Variants in GABBR2 observed in about 807,000 individuals in gnomAD.
The protein encoded by GABBR2 is G-protein coupled receptor 51.
A neutral mutation model predicts 105.6 loss-of-function variants in GABBR2; 23 were observed. The observed-to-expected ratio is 0.22, with a 90% CI of 0.16 to 0.31. The LOEUF is 0.31. GABBR2 is among the 10% of genes least tolerant of loss of function. The pLI is 1.00. For synonymous variants in GABBR2, 478 were observed against 499.7 expected, an observed-to-expected ratio of 0.96 and a Z score of 0.58; for missense variants, 734 against 1,245.5, an observed-to-expected ratio of 0.59 and a Z score of 6.18.
At position 98,578,001 on chromosome 9, in the gene GABBR2, A is replaced by G. The variant is rs1828944515; in HGVS notation, c.393T>C (p.Phe131=). 1.1e-5 allele frequency: 18 copies of G among 1,613,994 alleles called. 1 individual carries two copies. Among genetic ancestry groups the G allele is most frequent in the Non-Finnish European group, 1.5e-5 (18 of 1,179,930 alleles). Residue 131 remains phenylalanine, a synonymous_variant, in exon 2 of 19, where the codon TTT becomes TTC. Coordinates refer to ENST00000259455, the MANE Select transcript of GABBR2 (RefSeq NM_005458.8). ...IKYGPNHLMV[F]GGVCPSVTSI... is the part of the protein sequence containing the mutation. ...ATGTGACGGATGGACAGACGCCTCC[A>G]AACACCATCAAGTGGTTAGGCCCGT...
chr9:98,699,290 C>T (rs901714603), intron 1 of GABBR2, among the ~76,000 whole-genome samples: 1 of 152,048 alleles, frequency 6.6e-6, no homozygotes, highest in African/African-American at 2.4e-5. Flanking sequence ...TTGTCAGAGA[C>T]GAAGAAAATG....
At chr9:98,348,482 C>T (rs897740449) in intron 13 of GABBR2, among the ~76,000 whole-genome samples, 3 of 152,054 alleles carry the variant, frequency 2.0e-5, no homozygotes, top group Non-Finnish European at 4.4e-5. Context: ...TGTCATTGAC[C>T]TTTTGATAGG....
chr9:98,326,596 T>G (rs1830929084), intron 13 of GABBR2, among the ~76,000 whole-genome samples: 1 of 152,242 alleles, frequency 6.6e-6, no homozygotes. Flanking sequence ...AAGATTGGCC[T>G]GCTGCCTTGT....
At chr9:98,677,535 A>C (rs1201892499) in intron 1 of GABBR2, among the ~76,000 whole-genome samples, 2 of 152,188 alleles carry the variant, frequency 1.3e-5, no homozygotes, top group Non-Finnish European at 2.9e-5. Context: ...GCTCTGCCAA[A>C]AAACTTTTGA....
At chr9:98,654,607 C>T (rs1370238641) in intron 1 of GABBR2, among the ~76,000 whole-genome samples, 1 of 152,052 alleles carries the variant, frequency 6.6e-6, no homozygotes, top group South Asian at 2.1e-4. Flanking sequence ...TCTGAAGGGG[C>T]GAGGCAGACA....
At chr9:98,312,591 G>A (rs1830652735) in intron 13 of GABBR2, among the ~76,000 whole-genome samples, 1 of 152,200 alleles carries the variant, frequency 6.6e-6, no homozygotes, top group Non-Finnish European at 1.5e-5. Context: ...CCCCACAAAT[G>A]TTCACGCAGT....
intron 10 of GABBR2, among the ~76,000 whole-genome samples, chr9:98,386,358 A>T (rs1832072635): frequency 6.6e-6 from 1 of 152,070 alleles, no homozygotes; most frequent in Non-Finnish European, 1.5e-5. Flanking sequence ...AGGAGGCCTA[A>T]CTGTGAGTCT....
intron 7 of GABBR2, among the ~76,000 whole-genome samples, chr9:98,426,104 G>A (rs1362138571): frequency 6.6e-6 from 1 of 152,224 alleles, no homozygotes; most frequent in Non-Finnish European, 1.5e-5. Context: ...GGGGAGGCAG[G>A]TCTTGAATCC....
At chr9:98,460,469 G>GA (rs1296706997) in intron 6 of GABBR2, among the ~76,000 whole-genome samples, 1 of 151,632 alleles carries the variant, frequency 6.6e-6, no homozygotes, top group Non-Finnish European at 1.5e-5. Context: ...TACTATAAAA[G>GA]AAAAAATATA....
chr9:98,596,456 G>C (rs1829235757), intron 1 of GABBR2, among the ~76,000 whole-genome samples: 1 of 152,116 alleles, frequency 6.6e-6, no homozygotes, highest in African/African-American at 2.4e-5. Flanking sequence ...CCCTTCTCGG[G>C]CTTCACATTT....
chr9:98,487,613 AAT>A (rs113902571), intron 4 of GABBR2, among the ~76,000 whole-genome samples: 20 of 149,204 alleles, frequency 1.3e-4, no homozygotes, highest in South Asian at 2.1e-4. Flanking sequence ...TGTCTCTACA[AAT>A]ATATATATAT....
At chr9:98,451,192 G>A (rs139489490) in intron 7 of GABBR2, among the ~76,000 whole-genome samples, 1 of 152,152 alleles carries the variant, frequency 6.6e-6, no homozygotes, top group African/African-American at 2.4e-5. Flanking sequence ...CTGCAGGGGT[G>A]GGGAGAGGGC....
intron 12 of GABBR2, 42 bp from the exon 13 acceptor site, chr9:98,362,879 C>A: frequency 1.4e-6 from 2 of 1,443,724 alleles, no homozygotes; most frequent in Non-Finnish European, 1.8e-6. Context: ...ATGTGAGAGA[C>A]AGCTTCCCAC....
At chr9:98,474,397 C>T (rs1826746949) in intron 5 of GABBR2, among the ~76,000 whole-genome samples, 1 of 152,030 alleles carries the variant, frequency 6.6e-6, no homozygotes, top group South Asian at 2.1e-4. Flanking sequence ...AGAAAAGTCC[C>T]AGTTTGTAGG....
chr9:98,473,520 A>T (rs1373409676), intron 5 of GABBR2, among the ~76,000 whole-genome samples, 174 bp from the exon 6 acceptor site: 2 of 152,208 alleles, frequency 1.3e-5, no homozygotes, highest in Non-Finnish European at 2.9e-5. Context: ...TAGTTTATGG[A>T]TAACATGTAT....
Position 98,708,597 on chromosome 9 carries a change from G to T in GABBR2, c.141C>A (p.Pro47=). The change falls in exon 1 of 19, where the codon CCC becomes CCA. Residue 47 remains proline (P), a synonymous_variant. Coordinates refer to ENST00000259455, the MANE Select transcript of GABBR2 (RefSeq NM_005458.8). ...PGAWGWARGA[P]RPPPSSPPLS... is the part of the protein sequence containing the mutation. ...GCGGCGGGCTGCTGGGCGGCGGCCG[G>T]GGGGCGCCCCGCGCCCAGCCCCAGG... The T allele has an allele frequency of 6.9e-7, 1 of 1,440,246 alleles. No homozygotes were observed. Among genetic ancestry groups the T allele is most frequent in the Non-Finnish European group, 9.1e-7 (1 of 1,096,322 alleles). 89.2% of individuals were successfully genotyped at this position (1,440,246 alleles called of 1,614,324 possible).
intron 13 of GABBR2, among the ~76,000 whole-genome samples, chr9:98,353,007 G>A (rs1001025025): frequency 6.6e-6 from 1 of 152,102 alleles, no homozygotes; most frequent in Non-Finnish European, 1.5e-5. Context: ...TGGGTTTTAG[G>A]GGGGTGAGTG....
chr9:98,682,955 C>T (rs1013422802), intron 1 of GABBR2, among the ~76,000 whole-genome samples: 1 of 152,198 alleles, frequency 6.6e-6, no homozygotes, highest in East Asian at 1.9e-4. Context: ...TACACACCCA[C>T]TGCTGTCCAA....
At position 98,290,672 on chromosome 9, in the gene GABBR2, C is replaced by A; in HGVS notation, c.2738G>T (p.Ser913Ile). ...YLPSIGGVDASCVSPCVSPTA... is the reference protein window; with the variant it reads ...YLPSIGGVDAICVSPCVSPTA... Reference sequence around the variant, plus strand: ...GGGGCTGACGCAGGGGCTGACACAGCTGGCGTCCACGCCTCCGATGGATGG... The same window carrying A: ...GGGGCTGACGCAGGGGCTGACACAGATGGCGTCCACGCCTCCGATGGATGG... The change falls in exon 19 of 19, where the codon AGC becomes ATC. Residue 913 changes from serine (S) to isoleucine (I), a missense_variant. Physicochemically the swap from Ser to Ile is moderately radical, Grantham distance 142. Around this residue, in one of 7 missense-constraint regions of GABBR2, gnomAD observed 134 missense variants for 171.2 expected, o/e 0.78. Transcript: ENST00000259455. 1 of 1,477,700 alleles carries A rather than the reference C, an allele frequency of 6.8e-7. No individual in the cohort carries two copies. Among genetic ancestry groups the A allele is most frequent in the Non-Finnish European group, 8.9e-7 (1 of 1,124,776 alleles). 91.5% of individuals were successfully genotyped at this position (1,477,700 alleles called of 1,614,324 possible).
Sources: allele counts gnomAD v4.1 joint callset (sites outside exome capture counted in the v4.1 genomes callset), GRCh38; gene constraint gnomAD v4.1.1; regional missense constraint gnomAD v4.1.1; transcripts MANE v1.5; gene names NCBI Gene and HGNC (gene_info 2026-07-23, HGNC 2026-07-21).